The following EXOSC5 variants were observed in gnomAD, a reference collection of about 807,000 sequenced individuals.
EXOSC5 encodes exosome complex component RRP46.
EXOSC5 carries 15 observed loss-of-function variants against 23.7 expected under a neutral mutation model. That is an observed-to-expected ratio of 0.63 (90% CI 0.42 to 0.97). EXOSC5 has a LOEUF of 0.97. Ranked by LOEUF, EXOSC5 falls within the 50% of genes least tolerant of loss-of-function variation. The pLI, the probability that EXOSC5 is intolerant of heterozygous loss-of-function variation, is 0.00. For synonymous variants in EXOSC5, 143 were observed against 140.9 expected, an observed-to-expected ratio of 1.02 and a Z score of -0.11; for missense variants, 305 against 316.3, an observed-to-expected ratio of 0.96 and a Z score of 0.27.
At chr19:41,393,704 C>T (rs975792853) in intron 1 of EXOSC5, among the ~76,000 whole-genome samples, 8 of 152,016 alleles carry the variant, frequency 5.3e-5, no homozygotes, top group African/African-American at 9.7e-5. Context: ...GGATTACAGG[C>T]GCGCGCCACC....
chr19:41,396,470 A>C (rs1452089040), intron 1 of EXOSC5, among the ~76,000 whole-genome samples: 1 of 152,136 alleles, frequency 6.6e-6, no homozygotes, highest in African/African-American at 2.4e-5. Context: ...TTGGCCTCCC[A>C]AAGTGTGGGG....
At position 41,386,612 on chromosome 19, in the gene EXOSC5, G is replaced by A. The variant is rs563286016; in HGVS notation, c.*21C>T. On this transcript the variant is annotated 3_prime_UTR_variant, in exon 6 of 6. Transcript: ENST00000221233. ...GTGAGTGGGTGGAGGCAATGGGAGC[G>A]GCCCCTTGCCCCAGCTTGCCTCAGC... 2.9e-5 allele frequency: 45 copies of A among 1,560,082 alleles called. No individual in the cohort carries two copies. Among genetic ancestry groups the A allele is most frequent in the Middle Eastern group, 1.7e-4 (1 of 5,906 alleles).
At chr19:41,392,688 A>G (rs920065320) in intron 2 of EXOSC5, among the ~76,000 whole-genome samples, 179 bp downstream of exon 2, 1 of 152,144 alleles carries the variant, frequency 6.6e-6, no homozygotes, top group African/African-American at 2.4e-5. Flanking sequence ...GAGAAATTAG[A>G]GGCAGAGAGA....
In EXOSC5 at chr19:41,397,311, A is replaced by G. The variant is rs1350759651; in HGVS notation, c.18T>C (p.His6=). The G allele has an allele frequency of 1.6e-5, 26 of 1,613,602 alleles. No homozygotes were observed. In the Admixed American group the frequency reaches 4.2e-4, roughly 26 times the overall value. ...TTTCAGCACGGATTTTGGCGTCAGT[A>G]TGCGTCTCCTCCTCCATCGCGCCGA... The part of the protein sequence containing the change: MEEET[H]TDAKIRAENG... The change falls in exon 1 of 6, where the codon CAT becomes CAC. Residue 6 remains histidine, a synonymous_variant. Transcript: ENST00000221233.
At chr19:41,391,231 G>C (rs1158626591) in intron 3 of EXOSC5, among the ~76,000 whole-genome samples, 2 of 152,220 alleles carry the variant, frequency 1.3e-5, no homozygotes, top group Non-Finnish European at 2.9e-5. Context: ...CTGGCGTGGT[G>C]GCAGGCACCT....
intron 1 of EXOSC5, among the ~76,000 whole-genome samples, chr19:41,393,709 G>A (rs1409948735): frequency 1.3e-5 from 2 of 151,982 alleles, no homozygotes; most frequent in East Asian, 1.9e-4. Flanking sequence ...ACAGGCGCGC[G>A]CCACCACACC....
At chr19:41,392,394 C>T (rs1048762572) in intron 2 of EXOSC5, among the ~76,000 whole-genome samples, 1 of 152,006 alleles carries the variant, frequency 6.6e-6, no homozygotes, top group Admixed American at 6.6e-5. Context: ...CCATCCTGGC[C>T]AACATGGTGA....
Position 41,391,825 on chromosome 19 carries a change from C to G in EXOSC5, c.384+16G>C. The G allele has an allele frequency of 6.7e-7, 1 of 1,493,904 alleles. No individual in the cohort carries two copies. The highest frequency in any genetic ancestry group is 8.9e-7 in the Non-Finnish European group (1 of 1,127,902). 92.5% of individuals were successfully genotyped at this position (1,493,904 alleles called of 1,614,324 possible). On this transcript the variant is annotated intron_variant, in intron 3 of 5. Transcript: ENST00000221233. ...CAGGAGACTTCCTGGAGGAGGAGGCCTGGCAGAAAGGATACAGAGCCGGCA... is the reference window on the plus strand; with the variant it reads ...CAGGAGACTTCCTGGAGGAGGAGGCGTGGCAGAAAGGATACAGAGCCGGCA...
intron 2 of EXOSC5, 133 bp from the exon 3 acceptor site, chr19:41,392,095 G>C (rs776942554): frequency 1.5e-6 from 2 of 1,332,398 alleles, no homozygotes; most frequent in Non-Finnish European, 2.0e-6. Flanking sequence ...AGGGATGATG[G>C]AAGATTCCAG....
intron 1 of EXOSC5, among the ~76,000 whole-genome samples, chr19:41,395,744 T>C (rs2039057260): frequency 6.6e-6 from 1 of 152,192 alleles, no homozygotes; most frequent in Admixed American, 6.5e-5. Flanking sequence ...CTGCTCAAGT[T>C]GGAAGGCCTA....
At position 41,389,338 on chromosome 19, in the gene EXOSC5, TCAC is replaced by T. The variant is rs562846819; in HGVS notation, c.525+424_525+426del. ...TGGAGTGCAATGGCGCGATCTCGGC[TCAC>T]CACAACCTCCGCGTCCTGGGTTCAA... is the stretch of plus-strand genomic sequence containing the variant. On this transcript the variant is annotated intron_variant, in intron 4 of 5. Transcript: ENST00000221233. 7.2e-5 allele frequency among the ~76,000 whole-genome samples: 11 copies of T among 152,100 alleles called. No individual in the cohort carries two copies. The East Asian group carries it at 1.9e-3, about 27-fold the overall frequency.
Position 41,391,846 on chromosome 19 carries a change from C to T in EXOSC5, c.379G>A (p.Gly127Ser), listed in dbSNP as rs201990827. Reference protein sequence around the residue: ...TVVLQVVSDAGSLLACCLNAA... With the variant: ...TVVLQVVSDASSLLACCLNAA... Reference sequence around the variant, plus strand: ...AGGCCTGGCAGAAAGGATACAGAGCCGGCATCGCTGACAACCTGCAGCACC... The same window carrying T: ...AGGCCTGGCAGAAAGGATACAGAGCTGGCATCGCTGACAACCTGCAGCACC... Residue 127 changes from glycine to serine, a missense_variant, in exon 3 of 6, where the codon GGC becomes AGC. Physicochemically the swap from Gly to Ser is moderately conservative, Grantham distance 56 (BLOSUM62 0). Coordinates refer to ENST00000221233, the MANE Select transcript of EXOSC5 (RefSeq NM_020158.4). 15 of 1,519,130 alleles carry T rather than the reference C, an allele frequency of 9.9e-6. No individual in the cohort carries two copies. The highest frequency in any genetic ancestry group is 5.2e-5 in the South Asian group (4 of 77,550). The allele number at this position is 1,519,130 out of a possible 1,614,324, so 94.1% of individuals were successfully genotyped here.
In EXOSC5 at chr19:41,387,614, G is replaced by T. The variant is rs777702385; in HGVS notation, c.526-11C>A. The T allele has an allele frequency of 3.2e-6, 5 of 1,579,264 alleles. No homozygotes were observed. In the African/African-American group the frequency reaches 6.8e-5, roughly 21 times the overall value. On this transcript the variant is annotated splice_polypyrimidine_tract_variant and intron_variant, in intron 4 of 5. Coordinates refer to ENST00000221233, the MANE Select transcript of EXOSC5 (RefSeq NM_020158.4). ...GACTGCCCGGGCCTCCTAGGGACAA[G>T]GGGTAGAAGGCGGTGGGGGACCTAG...
intron 5 of EXOSC5, 96 bp from the exon 6 acceptor site, chr19:41,386,821 C>T (rs1318414067): frequency 9.5e-7 from 1 of 1,052,022 alleles, no homozygotes; most frequent in African/African-American, 1.6e-5. Flanking sequence ...ACCTGACTCC[C>T]TTAACCTCCC....
chr19:41,396,857 G>A (rs1366420192), intron 1 of EXOSC5, among the ~76,000 whole-genome samples: 6 of 125,234 alleles, frequency 4.8e-5, no homozygotes, highest in Admixed American at 3.3e-4. Context: ...GTGGGGGTGG[G>A]AGGGTGGAGG....
intron 3 of EXOSC5, among the ~76,000 whole-genome samples, chr19:41,390,407 G>A (rs996181806): frequency 6.6e-6 from 1 of 152,212 alleles, no homozygotes; most frequent in Non-Finnish European, 1.5e-5. Context: ...TTGCTCAGCT[G>A]TGTGACCTTG....
chr19:41,388,881 T>C (rs2039002985), intron 4 of EXOSC5, among the ~76,000 whole-genome samples: 1 of 152,172 alleles, frequency 6.6e-6, no homozygotes, highest in East Asian at 1.9e-4. Flanking sequence ...AGAATGAAGC[T>C]GATGTGCAGA....
chr19:41,387,748 G>C, intron 4 of EXOSC5, 145 bp from the exon 5 acceptor site: 1 of 314,204 alleles, frequency 3.2e-6, no homozygotes, highest in Non-Finnish European at 5.6e-6. Context: ...CTTGAGGCCA[G>C]AAACTCAAGA....
chr19:41,388,956 TATTTTA>T (rs1422664526), intron 4 of EXOSC5, among the ~76,000 whole-genome samples: 1 of 152,186 alleles, frequency 6.6e-6, no homozygotes, highest in East Asian at 1.9e-4. Context: ...GGTTTTATTT[TATTTTA>T]TTTTTGAGAG....
Sources: gnomAD v4.1 joint callset for allele counts (sites outside exome capture counted in the v4.1 genomes callset) on GRCh38, gnomAD v4.1.1 for gene constraint, MANE v1.5 for transcripts, NCBI Gene and HGNC (gene_info 2026-07-23, HGNC 2026-07-21) for gene names.